GRAMD1C: variants seen among roughly 807,000 people sequenced by gnomAD.
The protein encoded by GRAMD1C is protein Aster-C.
A neutral mutation model predicts 97.8 loss-of-function variants in GRAMD1C; 89 were observed. The observed-to-expected ratio is 0.91, with a 90% confidence interval of 0.77 to 1.09. The LOEUF (loss-of-function observed/expected upper bound fraction) is 1.09, where lower values mean the gene tolerates loss of function less well. Among genes scored for constraint, GRAMD1C ranks in the 50% least tolerant of loss-of-function variants. The pLI is 0.00. For synonymous variants in GRAMD1C, 256 were observed against 267.0 expected (o/e 0.96, Z 0.40); for missense variants, 740 against 766.4 (o/e 0.97, Z 0.41).
chr3:113,876,322 C>A, intron 5 of GRAMD1C, 62 bp downstream of exon 5: 1 of 820,442 alleles, frequency 1.2e-6, no homozygotes, highest in South Asian at 1.5e-5. Flanking sequence ...TCATACTCAT[C>A]ATCAATGTTG....
At chr3:113,927,011 G>T (rs9870411) in intron 10 of GRAMD1C, among the ~76,000 whole-genome samples, 83,389 of 151,934 alleles carry the variant, frequency 0.55, 23,112 homozygotes, top group Admixed American at 0.58. Flanking sequence ...CCAGCAGCCA[G>T]GATGGCATGG....
At chr3:113,836,176 A>T (rs566822659), upstream of GRAMD1C, among the ~76,000 whole-genome samples, 1,916 of 152,262 alleles carry the variant, frequency 0.013, 24 homozygotes, top group South Asian at 0.024. Flanking sequence ...AGGCAGGAGA[A>T]TTGCTTAAAC....
At chr3:113,837,871 G>A (rs910580287), upstream of GRAMD1C, among the ~76,000 whole-genome samples, 3 of 152,172 alleles carry the variant, frequency 2.0e-5, no homozygotes, top group East Asian at 3.8e-4. Context: ...TTGCGCCACC[G>A]CACTCCAGCT....
chr3:113,942,571 C>T (rs932473343), intron 17 of GRAMD1C, among the ~76,000 whole-genome samples: 1 of 152,012 alleles, frequency 6.6e-6, no homozygotes, highest in East Asian at 1.9e-4. Flanking sequence ...CTGGCTGCAG[C>T]GTTTTAGGAG....
At chr3:113,942,393 A>G (rs1343054216) in intron 17 of GRAMD1C, among the ~76,000 whole-genome samples, 1 of 152,010 alleles carries the variant, frequency 6.6e-6, no homozygotes, top group Non-Finnish European at 1.5e-5. Context: ...GCCCTTGCTT[A>G]TCTTCTTGTG....
chr3:113,886,777 GTTTTTTTTTTTTT>G (rs34683672), intron 6 of GRAMD1C, among the ~76,000 whole-genome samples: 1 of 80,042 alleles, frequency 1.2e-5, no homozygotes, highest in Non-Finnish European at 2.3e-5. Flanking sequence ...TTGTTTGCTT[GTTTTTTTTTTTTT>G]TTTTTTTTTT....
At chr3:113,871,422 C>A (rs1282363311) in intron 3 of GRAMD1C, among the ~76,000 whole-genome samples, 2 of 151,974 alleles carry the variant, frequency 1.3e-5, no homozygotes, top group African/African-American at 2.4e-5. Flanking sequence ...AATCCCAACA[C>A]TTTGGGAGGC....
At chr3:113,863,575 T>C (rs1934478169) in intron 2 of GRAMD1C, among the ~76,000 whole-genome samples, 1 of 152,224 alleles carries the variant, frequency 6.6e-6, no homozygotes, top group African/African-American at 2.4e-5. Context: ...TTTGTGAGTA[T>C]ACCAAAATCA....
At chr3:113,925,217 C>T (rs951963913) in intron 10 of GRAMD1C, among the ~76,000 whole-genome samples, 8 of 152,202 alleles carry the variant, frequency 5.3e-5, no homozygotes, top group East Asian at 1.9e-4. Flanking sequence ...TGTCTGGGCA[C>T]GGGGGCTCAC....
chr3:113,900,207 A>G (rs555164106), intron 6 of GRAMD1C, among the ~76,000 whole-genome samples: 84 of 151,458 alleles, frequency 5.5e-4, no homozygotes, highest in African/African-American at 1.9e-3. Flanking sequence ...AAAAATACAA[A>G]AATTAGCTGG....
At chr3:113,923,059 C>T (rs951299790) in intron 10 of GRAMD1C, among the ~76,000 whole-genome samples, 22 of 151,426 alleles carry the variant, frequency 1.5e-4, no homozygotes, top group Admixed American at 9.2e-4. Flanking sequence ...ATTGTGATCT[C>T]GACTTGGCAC....
At chr3:113,838,617 C>T (rs1424353412), upstream of GRAMD1C, 1 of 348,270 alleles carries the variant, frequency 2.9e-6, no homozygotes, top group East Asian at 4.3e-5. Flanking sequence ...CACCTTTTCG[C>T]ACATTGGGGC....
At chr3:113,908,832 CA>C in intron 8 of GRAMD1C, 125 bp from the exon 9 acceptor site, 1 of 577,404 alleles carries the variant, frequency 1.7e-6, no homozygotes, top group Non-Finnish European at 3.0e-6. Context: ...GCAAGTATAA[CA>C]AACAAAATGC....
chr3:113,917,803 G>A (rs1379125250), intron 10 of GRAMD1C, among the ~76,000 whole-genome samples: 1 of 144,674 alleles, frequency 6.9e-6, no homozygotes, highest in African/African-American at 2.6e-5. Context: ...AGCGATTCTT[G>A]CACCTCAGCC....
chr3:113,838,875 C>A lies in GRAMD1C; in HGVS notation c.-35C>A. On this transcript the variant is annotated 5_prime_UTR_variant, in exon 1 of 18. Transcript: ENST00000358160. ...GCGCGGGGCGGTGCGGTGCGGTGCG[C>A]GCGGGGCGGTGCCGCGGCGGCGGAG... 1 of 1,227,554 alleles carries A rather than the reference C, an allele frequency of 8.1e-7. No homozygotes were observed. The highest frequency in any genetic ancestry group is 1.0e-6 in the Non-Finnish European group (1 of 983,418). The allele number at this position is 1,227,554 out of a possible 1,614,324, so 76.0% of individuals were successfully genotyped here. A position where few individuals can be genotyped will look rare whatever the true frequency, so the allele number is the denominator to read the frequency against.
chr3:113,835,346 G>C (rs1235105740), upstream of GRAMD1C, among the ~76,000 whole-genome samples: 3 of 152,090 alleles, frequency 2.0e-5, no homozygotes, highest in Admixed American at 6.5e-5. Context: ...TTCACCTTAT[G>C]TTCTATTTCA....
chr3:113,889,557 G>A (rs1426766382), intron 6 of GRAMD1C, among the ~76,000 whole-genome samples: 2 of 152,076 alleles, frequency 1.3e-5, no homozygotes, highest in African/African-American at 4.8e-5. Context: ...GAATTTTCAG[G>A]TATGTGAATT....
chr3:113,913,429 C>CAAAAAAAA (rs765510213), intron 9 of GRAMD1C, among the ~76,000 whole-genome samples: 2 of 68,280 alleles, frequency 2.9e-5, no homozygotes, highest in Non-Finnish European at 5.7e-5. Flanking sequence ...ACTCTGTCTC[C>CAAAAAAAA]AAAAAAAAAA....
At chr3:113,910,330 C>G (rs1277840298) in intron 9 of GRAMD1C, among the ~76,000 whole-genome samples, 2 of 152,142 alleles carry the variant, frequency 1.3e-5, no homozygotes, top group Non-Finnish European at 2.9e-5. Context: ...TTGCAGTGAG[C>G]CTAGATCACG....
Sources: gnomAD v4.1 joint callset for allele counts (sites outside exome capture counted in the v4.1 genomes callset) on GRCh38, gnomAD v4.1.1 for gene constraint, MANE v1.5 for transcripts, NCBI Gene and HGNC (gene_info 2026-07-23, HGNC 2026-07-21) for gene names.